Variants in ADAM22 observed in about 807,000 individuals in gnomAD.
ADAM22 encodes disintegrin and metalloproteinase domain-containing protein 22.
In ADAM22, 65 loss-of-function variants were observed where a neutral mutation model predicts 144.6. The ratio of observed to expected loss-of-function variants is 0.45; its 90% CI spans 0.37 to 0.55. The LOEUF is 0.55. Ranked by LOEUF, ADAM22 falls within the 20% of genes least tolerant of loss-of-function variation. ADAM22 has a pLI of 0.00. For missense variants in ADAM22, 974 were observed against 1,184.9 expected, an observed-to-expected ratio of 0.82 and a Z score of 2.61; for synonymous variants, 391 against 412.6, an observed-to-expected ratio of 0.95 and a Z score of 0.63.
chr7:87,983,452 A>C (rs1205521645), intron 3 of ADAM22, among the ~76,000 whole-genome samples: 1 of 151,998 alleles, frequency 6.6e-6, no homozygotes, highest in Non-Finnish European at 1.5e-5. Flanking sequence ...TTTTTCCATC[A>C]TATTTTATAA....
chr7:88,115,180 C>T (rs553230231), intron 6 of ADAM22, among the ~76,000 whole-genome samples: 28 of 152,154 alleles, frequency 1.8e-4, no homozygotes, highest in Non-Finnish European at 3.7e-4. Flanking sequence ...CCTGCCACTG[C>T]GCTCCAGCCT....
chr7:88,134,044 T>C (rs1832445929), intron 12 of ADAM22, among the ~76,000 whole-genome samples: 1 of 152,212 alleles, frequency 6.6e-6, no homozygotes, highest in African/African-American at 2.4e-5. Context: ...TTTTCAAGAA[T>C]GTCACTGGTG....
intron 3 of ADAM22, among the ~76,000 whole-genome samples, chr7:87,979,064 C>T (rs1475466120): frequency 6.6e-6 from 1 of 152,180 alleles, no homozygotes; most frequent in Non-Finnish European, 1.5e-5. Context: ...TTCTATCCTA[C>T]TTCTGATCAT....
In ADAM22 at chr7:87,934,252, C is replaced by G; in HGVS notation, c.-214C>G. 1 of 504,772 alleles carries G rather than the reference C, an allele frequency of 2.0e-6. No homozygotes were observed. The highest frequency in any genetic ancestry group is 3.4e-6 in the Non-Finnish European group (1 of 290,164). 31.3% of individuals were successfully genotyped at this position (504,772 alleles called of 1,614,324 possible). A position where few individuals can be genotyped will look rare whatever the true frequency, so the allele number is the denominator to read the frequency against. ...CTACAGCCAACCGCCCAATGCAGCA[C>G]TCGCTCGCTCCCCCCGCCAGCGGAA... is the stretch of plus-strand genomic sequence containing the variant. On this transcript the variant is annotated 5_prime_UTR_variant, in exon 1 of 32. Coordinates refer to ENST00000413139, the MANE Select transcript of ADAM22 (RefSeq NM_001324418.2).
chr7:88,111,029 A>G (rs576014617), intron 5 of ADAM22, among the ~76,000 whole-genome samples: 78 of 150,146 alleles, frequency 5.2e-4, no homozygotes, highest in Non-Finnish European at 9.2e-4. Flanking sequence ...GGTTATTTTA[A>G]TTAAGTAAAT....
chr7:87,997,113 G>A (rs79254546), intron 3 of ADAM22, among the ~76,000 whole-genome samples: 7 of 152,076 alleles, frequency 4.6e-5, no homozygotes, highest in Non-Finnish European at 8.8e-5. Flanking sequence ...TACTATTGGA[G>A]TTTGTTTGTT....
chr7:88,076,466 T>C (rs375858496), intron 4 of ADAM22, among the ~76,000 whole-genome samples: 4 of 152,228 alleles, frequency 2.6e-5, no homozygotes, highest in East Asian at 3.9e-4. Context: ...AGGGTAGGTG[T>C]TTGCCTTTGC....
Position 88,181,617 on chromosome 7 carries a change from C to G in ADAM22, c.2596+12C>G, listed in dbSNP as rs1188978390. On this transcript the variant is annotated intron_variant, in intron 28 of 31. Coordinates refer to ENST00000413139, the MANE Select transcript of ADAM22 (RefSeq NM_001324418.2). ...TAACTCTTGGCAAGGTAGAGGCTGG[C>G]ATTCTGAATCTGTCTGTCCACATAA... The G allele has an allele frequency of 2.5e-6, 4 of 1,602,364 alleles. No individual in the cohort carries two copies. In the South Asian group the frequency reaches 4.4e-5, roughly 18 times the overall value.
chr7:88,030,082 TC>T (rs573337601), intron 3 of ADAM22, among the ~76,000 whole-genome samples: 85 of 152,292 alleles, frequency 5.6e-4, no homozygotes, highest in African/African-American at 2.0e-3. Context: ...CTACCTCCTA[TC>T]TAATGCCAAA....
At chr7:88,050,522 A>T (rs558819810) in intron 3 of ADAM22, among the ~76,000 whole-genome samples, 2 of 150,678 alleles carry the variant, frequency 1.3e-5, no homozygotes, top group Non-Finnish European at 3.0e-5. Context: ...AAAAAATATT[A>T]TTGAATGGTT....
At chr7:88,169,983 C>G (rs1308505405) in intron 25 of ADAM22, among the ~76,000 whole-genome samples, 1 of 152,060 alleles carries the variant, frequency 6.6e-6, no homozygotes, top group African/African-American at 2.4e-5. Context: ...AACCTAAACG[C>G]TCATATTACT....
Position 88,113,695 on chromosome 7 carries a change from AATAAATAAAT to A in ADAM22, c.474-885_474-876del, listed in dbSNP as rs1345400851. ...ATATATAATATATATATTATAAATA[AATAAATAAAT>A]ATATATATATATATATATATATATA... On this transcript the variant is annotated intron_variant, in intron 5 of 31. Transcript: ENST00000413139. Among the ~76,000 whole-genome samples, 146 of 52,262 alleles carry A rather than the reference AATAAATAAAT, an allele frequency of 2.8e-3. 4 individuals are homozygous for A. Among genetic ancestry groups the A allele is most frequent in the African/African-American group, 0.012 (138 of 11,180 alleles). The allele number at this position is 52,262 out of a possible 152,430, so 34.3% of individuals were successfully genotyped here.
intron 8 of ADAM22, among the ~76,000 whole-genome samples, chr7:88,127,872 GCCTTAGTGGCTTTT>G (rs946982297): frequency 5.3e-5 from 8 of 152,000 alleles, no homozygotes; most frequent in Non-Finnish European, 8.8e-5. Flanking sequence ...GAGAATAGCT[GCCTTAGTGGCTTTT>G]CCTTAGTGGC....
In ADAM22 at chr7:88,151,107, G is replaced by T. The variant is rs1838214352; in HGVS notation, c.1617+76G>T. 4 of 1,538,546 alleles carry T rather than the reference G, an allele frequency of 2.6e-6. No homozygotes were observed. In the South Asian group the frequency reaches 4.5e-5, roughly 17 times the overall value. ...GAATACTGAAATCTTATCAAAATAG[G>T]AAGATCAATTTAAATGTTTGTAATC... On this transcript the variant is annotated intron_variant, in intron 19 of 31. Coordinates refer to ENST00000413139, the MANE Select transcript of ADAM22 (RefSeq NM_001324418.2).
At chr7:88,014,567 A>G (rs1192624782) in intron 3 of ADAM22, among the ~76,000 whole-genome samples, 3 of 152,168 alleles carry the variant, frequency 2.0e-5, no homozygotes, top group Non-Finnish European at 4.4e-5. Flanking sequence ...ACATGGCAAA[A>G]ACCCGTCTCT....
chr7:88,189,149 T>C (rs1410452720), intron 30 of ADAM22, among the ~76,000 whole-genome samples: 3 of 152,204 alleles, frequency 2.0e-5, no homozygotes, highest in Non-Finnish European at 4.4e-5. Context: ...CCAGTTTCGA[T>C]ATGATGGTGG....
intron 28 of ADAM22, 111 bp from the exon 29 acceptor site, chr7:88,181,847 T>C: frequency 1.0e-6 from 1 of 979,636 alleles, no homozygotes; most frequent in Non-Finnish European, 1.6e-6. Flanking sequence ...ACAAACCCGG[T>C]GTTCCACAGT....
At chr7:88,059,884 G>A (rs1809287785) in intron 3 of ADAM22, among the ~76,000 whole-genome samples, 1 of 152,038 alleles carries the variant, frequency 6.6e-6, no homozygotes, top group African/African-American at 2.4e-5. Context: ...AAGGGATGGG[G>A]ACAAACGTTG....
At chr7:88,189,816 C>T (rs933117319) in intron 30 of ADAM22, among the ~76,000 whole-genome samples, 4 of 151,940 alleles carry the variant, frequency 2.6e-5, no homozygotes, top group Non-Finnish European at 5.9e-5. Flanking sequence ...TGGTGGTGTG[C>T]GCTTGTAATC....
Sources: allele counts gnomAD v4.1 joint callset (sites outside exome capture counted in the v4.1 genomes callset), GRCh38; gene constraint gnomAD v4.1.1; transcripts MANE v1.5; gene names NCBI Gene and HGNC (gene_info 2026-07-23, HGNC 2026-07-21).